CEP70: variants seen among roughly 807,000 people sequenced by gnomAD.
CEP70 encodes the protein centrosomal protein of 70 kDa.
In CEP70, 70 loss-of-function variants were observed where a neutral mutation model predicts 90.9. That is an observed-to-expected ratio of 0.77 (90% CI 0.64 to 0.94). The LOEUF is 0.94. CEP70 is among the 40% of genes least tolerant of loss of function. The probability of loss-of-function intolerance (pLI) is 0.00; values close to 1 mark genes in which losing one functional copy is unlikely to be tolerated. For missense variants in CEP70, 648 were observed against 669.0 expected (o/e 0.97, Z 0.35); for synonymous variants, 220 against 228.3 (o/e 0.96, Z 0.33).
At chr3:138,533,773 A>G (rs1449398419) in intron 7 of CEP70, among the ~76,000 whole-genome samples, 1 of 151,610 alleles carries the variant, frequency 6.6e-6, no homozygotes. Flanking sequence ...TTGAATTTTT[A>G]TTTTTTGTTT....
chr3:138,587,388 T>C (rs1440466791), intron 2 of CEP70, among the ~76,000 whole-genome samples: 1 of 151,510 alleles, frequency 6.6e-6, no homozygotes, highest in Non-Finnish European at 1.5e-5. Flanking sequence ...AAAAGAAAAC[T>C]AAAACAACAG....
At chr3:138,594,060 T>C (rs1315240045) in intron 1 of CEP70, 138 bp downstream of exon 1, 2 of 152,290 alleles carry the variant, frequency 1.3e-5, no homozygotes, top group African/African-American at 4.8e-5. Flanking sequence ...GGATTTTTAA[T>C]TGGCGCGACC....
chr3:138,574,100 G>A (rs1384714117), intron 2 of CEP70, among the ~76,000 whole-genome samples: 1 of 152,132 alleles, frequency 6.6e-6, no homozygotes, highest in Non-Finnish European at 1.5e-5. Flanking sequence ...TTGGACAGTG[G>A]GTGCAGCCCA....
At position 138,525,567 on chromosome 3, in the gene CEP70, G is replaced by GGATTATAAATAAA; in HGVS notation, c.870-4_870-3insTTTATTTATAATC. The GGATTATAAATAAA allele has an allele frequency of 7.6e-7, 1 of 1,315,694 alleles. No homozygotes were observed. Among genetic ancestry groups the GGATTATAAATAAA allele is most frequent in the Non-Finnish European group, 1.0e-6 (1 of 1,000,216 alleles). The allele number at this position is 1,315,694 out of a possible 1,614,324, so 81.5% of individuals were successfully genotyped here. ...GTCTTAATTCATGCTGCGTAGGCCTGTGGAAAATAAATAATGATAAATTAA... is the reference window on the plus strand; with the variant it reads ...GTCTTAATTCATGCTGCGTAGGCCTGGATTATAAATAAATGGAAAATAAATAATGATAAATTAA... On this transcript the variant is annotated splice_region_variant and splice_polypyrimidine_tract_variant and intron_variant, in intron 10 of 17. Coordinates refer to ENST00000264982, the MANE Select transcript of CEP70 (RefSeq NM_024491.4).
intron 10 of CEP70, among the ~76,000 whole-genome samples, chr3:138,527,112 A>G (rs987710063): frequency 6.6e-6 from 1 of 152,186 alleles, no homozygotes; most frequent in African/African-American, 2.4e-5. Context: ...TCTCAGGGAA[A>G]GGCAAAGAGG....
chr3:138,578,078 T>C (rs1183937539), intron 2 of CEP70, among the ~76,000 whole-genome samples: 1 of 152,206 alleles, frequency 6.6e-6, no homozygotes, highest in African/African-American at 2.4e-5. Flanking sequence ...CACCTGCAAG[T>C]ACCAAAATCC....
chr3:138,562,290 T>G (rs917089051), intron 6 of CEP70, among the ~76,000 whole-genome samples: 2 of 152,104 alleles, frequency 1.3e-5, no homozygotes, highest in Admixed American at 1.3e-4. Context: ...TTTAGGATAC[T>G]ATCCAGTAGA....
At chr3:138,579,049 G>A (rs546009384) in intron 2 of CEP70, among the ~76,000 whole-genome samples, 15 of 152,214 alleles carry the variant, frequency 9.9e-5, no homozygotes, top group South Asian at 6.2e-4. Flanking sequence ...GCCATGTGGC[G>A]CAGAGAGAGA....
At position 138,499,724 on chromosome 3, in the gene CEP70, C is replaced by T. The variant is rs116664042; in HGVS notation, c.1652+386G>A. Among the ~76,000 whole-genome samples, 1,228 of 151,978 alleles carry T rather than the reference C, an allele frequency of 8.1e-3. 16 individuals carry two copies. The highest frequency in any genetic ancestry group is 0.029 in the African/African-American group (1,187 of 41,390). On this transcript the variant is annotated intron_variant, in intron 16 of 17. Transcript: ENST00000264982. ...GGCCAAGGCAGGCGGATCACTTGAG[C>T]CCAGGAATTTGAGACTGGTCTGGGC... is the stretch of plus-strand genomic sequence containing the variant.
intron 2 of CEP70, among the ~76,000 whole-genome samples, chr3:138,590,049 A>G (rs1173730380): frequency 1.3e-5 from 2 of 152,134 alleles, no homozygotes; most frequent in Non-Finnish European, 2.9e-5. Flanking sequence ...TGAAATGGCT[A>G]TATACTCTGA....
At chr3:138,510,206 G>A (rs1358796210) in intron 11 of CEP70, among the ~76,000 whole-genome samples, 1 of 151,150 alleles carries the variant, frequency 6.6e-6, no homozygotes, top group Non-Finnish European at 1.5e-5. Flanking sequence ...CTGAGGTCAG[G>A]AGATTGAGAC....
intron 17 of CEP70, chr3:138,497,195 T>A: frequency 8.4e-7 from 1 of 1,187,710 alleles, no homozygotes; most frequent in Non-Finnish European, 1.1e-6. Context: ...TCACAAAACT[T>A]CCTTTATGTT....
At chr3:138,576,757 A>G (rs1360221919) in intron 2 of CEP70, among the ~76,000 whole-genome samples, 2 of 152,236 alleles carry the variant, frequency 1.3e-5, no homozygotes, top group African/African-American at 4.8e-5. Context: ...ACTGTCTCTC[A>G]GACCACAGTG....
intron 13 of CEP70, among the ~76,000 whole-genome samples, chr3:138,502,516 T>G (rs181023394): frequency 2.8e-4 from 42 of 151,888 alleles, no homozygotes; most frequent in African/African-American, 9.9e-4. Flanking sequence ...ATGAATGTTT[T>G]ACAATCAATG....
chr3:138,530,501 G>A (rs2037714056), intron 8 of CEP70: 1 of 708,030 alleles, frequency 1.4e-6, no homozygotes, highest in Admixed American at 6.3e-5. Flanking sequence ...ATAGTCTGAT[G>A]ATAAAAACAA....
chr3:138,548,333 A>G (rs2039369666), intron 6 of CEP70, among the ~76,000 whole-genome samples: 1 of 152,214 alleles, frequency 6.6e-6, no homozygotes, highest in South Asian at 2.1e-4. Flanking sequence ...TTAGCCCCCA[A>G]AGCTAAACTC....
In CEP70 at chr3:138,500,775, A is replaced by G. The variant is rs759802823; in HGVS notation, c.1328T>C (p.Ile443Thr). The G allele has an allele frequency of 6.2e-7, 1 of 1,606,420 alleles. No homozygotes were observed. Among genetic ancestry groups the G allele is most frequent in the Non-Finnish European group, 8.5e-7 (1 of 1,175,764 alleles). Residue 443 changes from isoleucine (I) to threonine (T), a missense_variant, in exon 14 of 18, where the codon ATA becomes ACA. Ile to Thr is a moderately conservative substitution (Grantham distance 89). Transcript: ENST00000264982. ...AACTTCTTCCAGCATAGTATCTACT[A>G]TAAACAACAAATCTTCAACTTTGAT... ...EGIKVEDLLF[I>T]VDTMLEEVEN...
chr3:138,561,968 A>G lies in CEP70; in HGVS notation c.465+8350T>C, dbSNP rs182613392. On this transcript the variant is annotated intron_variant, in intron 6 of 17. Transcript: ENST00000264982. ...AACCTGGGAGATGGAGCTTGCAGTG[A>G]GCCGAGATTGTGCCACTGCACTCTG... Among the ~76,000 whole-genome samples, 150 of 150,616 alleles carry G rather than the reference A, an allele frequency of 1.0e-3. 1 individual carries two copies. Among genetic ancestry groups the G allele is most frequent in the Middle Eastern group, 3.4e-3 (1 of 292 alleles).
chr3:138,578,604 C>CA (rs1281818892), intron 2 of CEP70, among the ~76,000 whole-genome samples: 1 of 151,990 alleles, frequency 6.6e-6, no homozygotes, highest in Non-Finnish European at 1.5e-5. Flanking sequence ...AGATCCACAC[C>CA]AAAATAGGGA....
Sources: allele counts gnomAD v4.1 joint callset (sites outside exome capture counted in the v4.1 genomes callset), GRCh38; gene constraint gnomAD v4.1.1; transcripts MANE v1.5; gene names NCBI Gene and HGNC (gene_info 2026-07-23, HGNC 2026-07-21).